The following ASIC2 variants were observed in gnomAD, a reference collection of about 807,000 sequenced individuals.
ASIC2 encodes acid-sensing ion channel 2.
A neutral mutation model predicts 57.3 loss-of-function variants in ASIC2; 25 were observed. The ratio of observed to expected loss-of-function variants is 0.44; its 90% CI spans 0.32 to 0.61. The LOEUF is 0.61. ASIC2 is among the 20% of genes least tolerant of loss of function. ASIC2 has a pLI of 0.06. For missense variants in ASIC2, 641 were observed against 738.1 expected, an observed-to-expected ratio of 0.87 and a Z score of 1.52; for synonymous variants, 319 against 307.5, an observed-to-expected ratio of 1.04 and a Z score of -0.39.
intron 1 of ASIC2, among the ~76,000 whole-genome samples, chr17:33,245,014 T>C (rs941168861): frequency 1.3e-5 from 2 of 152,186 alleles, no homozygotes; most frequent in African/African-American, 4.8e-5. Context: ...GTGGGGGTGT[T>C]TTTAGCATTA....
chr17:33,127,267 G>A (rs528387060), intron 1 of ASIC2, among the ~76,000 whole-genome samples: 18 of 152,324 alleles, frequency 1.2e-4, no homozygotes, highest in African/African-American at 3.8e-4. Flanking sequence ...AGGGGCAGAC[G>A]TGGGATCTCG....
At chr17:33,425,872 A>G (rs1379096801) in intron 1 of ASIC2, among the ~76,000 whole-genome samples, 2 of 152,134 alleles carry the variant, frequency 1.3e-5, no homozygotes, top group Non-Finnish European at 2.9e-5. Flanking sequence ...ATATTTTGCT[A>G]GGGAGAGGAC....
At chr17:33,101,893 T>C (rs190275821) in intron 2 of ASIC2, among the ~76,000 whole-genome samples, 29 of 152,324 alleles carry the variant, frequency 1.9e-4, no homozygotes, top group Non-Finnish European at 3.1e-4. Flanking sequence ...TGCTTTTTCC[T>C]TGTTGGTTTG....
intron 1 of ASIC2, among the ~76,000 whole-genome samples, chr17:33,847,927 A>G (rs1285283935): frequency 1.3e-5 from 2 of 152,124 alleles, no homozygotes; most frequent in Admixed American, 1.3e-4. Flanking sequence ...AAATGCAAAT[A>G]TATGGGGAGG....
chr17:33,389,989 G>A (rs1909832533), intron 1 of ASIC2, among the ~76,000 whole-genome samples: 1 of 152,122 alleles, frequency 6.6e-6, no homozygotes, highest in Non-Finnish European at 1.5e-5. Context: ...CCCAGCCTGA[G>A]ACTGGCACAT....
intron 1 of ASIC2, among the ~76,000 whole-genome samples, chr17:33,132,799 A>G (rs550483846): frequency 6.6e-6 from 1 of 152,288 alleles, no homozygotes; most frequent in East Asian, 1.9e-4. Flanking sequence ...TCTGCCTTCA[A>G]AATTTTAAAA....
chr17:33,574,851 ATTTTT>A (rs10699380), intron 1 of ASIC2, among the ~76,000 whole-genome samples: 2 of 143,064 alleles, frequency 1.4e-5, no homozygotes, highest in African/African-American at 2.5e-5. Context: ...CTCTGTTTCT[ATTTTT>A]TTTTTTTTTG....
intron 1 of ASIC2, among the ~76,000 whole-genome samples, chr17:33,593,305 G>A (rs934897535): frequency 4.6e-5 from 7 of 152,160 alleles, no homozygotes; most frequent in Non-Finnish European, 1.0e-4. Flanking sequence ...CAGATTTTTA[G>A]AGCGAGATGC....
At chr17:33,384,980 A>C (rs1166913579) in intron 1 of ASIC2, among the ~76,000 whole-genome samples, 2 of 152,218 alleles carry the variant, frequency 1.3e-5, no homozygotes, top group African/African-American at 4.8e-5. Flanking sequence ...AGTCAGACAG[A>C]CATAGGTCCA....
chr17:33,378,774 C>T (rs1200213997), intron 1 of ASIC2, among the ~76,000 whole-genome samples: 5 of 152,326 alleles, frequency 3.3e-5, no homozygotes, highest in South Asian at 2.1e-4. Flanking sequence ...GGCTGTGCCA[C>T]GGCTTCATTT....
intron 1 of ASIC2, among the ~76,000 whole-genome samples, chr17:33,956,973 G>C (rs1904754855): frequency 6.6e-6 from 1 of 152,194 alleles, no homozygotes; most frequent in East Asian, 1.9e-4. Flanking sequence ...CCTGGCCATG[G>C]GCCTGGCAGC....
At chr17:33,354,844 A>G (rs1908315663) in intron 1 of ASIC2, among the ~76,000 whole-genome samples, 1 of 151,794 alleles carries the variant, frequency 6.6e-6, no homozygotes, top group South Asian at 2.1e-4. Context: ...TTTATTTACC[A>G]TTGCCCTCTC....
intron 1 of ASIC2, among the ~76,000 whole-genome samples, chr17:33,319,378 A>G (rs1275206940): frequency 6.6e-6 from 1 of 152,244 alleles, no homozygotes; most frequent in Non-Finnish European, 1.5e-5. Flanking sequence ...AGGACAATCT[A>G]TTGGTCTGAG....
At chr17:33,822,805 C>T (rs1024304722) in intron 1 of ASIC2, among the ~76,000 whole-genome samples, 2 of 152,116 alleles carry the variant, frequency 1.3e-5, no homozygotes, top group Non-Finnish European at 2.9e-5. Context: ...AATTCTATAC[C>T]TAATACCTTG....
At chr17:33,884,708 C>T (rs964020897) in intron 1 of ASIC2, among the ~76,000 whole-genome samples, 1 of 151,986 alleles carries the variant, frequency 6.6e-6, no homozygotes, top group Admixed American at 6.6e-5. Flanking sequence ...ATTCAGATAC[C>T]CCCCACCCCA....
intron 1 of ASIC2, among the ~76,000 whole-genome samples, chr17:34,125,506 T>C (rs1911753056): frequency 6.6e-6 from 1 of 151,946 alleles, no homozygotes; most frequent in East Asian, 1.9e-4. Flanking sequence ...GCTCATGGAA[T>C]CTCCAGGAGA....
intron 3 of ASIC2, among the ~76,000 whole-genome samples, chr17:33,065,414 G>A (rs2092039615): frequency 1.3e-5 from 2 of 151,720 alleles, no homozygotes; most frequent in Non-Finnish European, 2.9e-5. Context: ...AGCTCAAGCA[G>A]TTTTCCCACC....
In ASIC2 at chr17:34,042,131, T is replaced by A. The variant is rs75712457; in HGVS notation, c.555+113847A>T. Among the ~76,000 whole-genome samples the A allele has an allele frequency of 9.9e-3, 1,506 of 152,340 alleles. 24 individuals are homozygous for A. Among genetic ancestry groups the A allele is most frequent in the African/African-American group, 0.034 (1,417 of 41,568 alleles). ...TCCTCATATGCTGCTGGTGGGAATA[T>A]AAAATGGTACAACCACTTTGGAATC... On this transcript the variant is annotated intron_variant, in intron 1 of 9. Coordinates refer to the ASIC2 transcript ENST00000359872.
At chr17:34,014,725 T>C (rs1182284716) in intron 1 of ASIC2, among the ~76,000 whole-genome samples, 1 of 152,186 alleles carries the variant, frequency 6.6e-6, no homozygotes, top group Admixed American at 6.5e-5. Context: ...GAACCTCTGC[T>C]TCCTTATCTC....
Sources: gnomAD v4.1 joint callset for allele counts (sites outside exome capture counted in the v4.1 genomes callset) on GRCh38, gnomAD v4.1.1 for gene constraint, MANE v1.5 for transcripts, NCBI Gene and HGNC (gene_info 2026-07-23, HGNC 2026-07-21) for gene names.